The following SMC4 variants were observed in gnomAD, a reference collection of about 807,000 sequenced individuals.
SMC4 encodes structural maintenance of chromosomes protein 4.
A neutral mutation model predicts 145.6 loss-of-function variants in SMC4; 87 were observed. That is an observed-to-expected ratio of 0.60 (90% confidence interval 0.50 to 0.71). The LOEUF is 0.71. SMC4 is among the 30% of genes least tolerant of loss of function. The probability of loss-of-function intolerance (pLI) is 0.00; values close to 1 mark genes in which losing one functional copy is unlikely to be tolerated. For missense variants in SMC4, 1,447 were observed against 1,537.1 expected, an observed-to-expected ratio of 0.94 and a Z score of 0.98; for synonymous variants, 558 against 500.7, an observed-to-expected ratio of 1.11 and a Z score of -1.53.
intron 18 of SMC4, among the ~76,000 whole-genome samples, chr3:160,429,954 G>A (rs1718212558): frequency 6.6e-6 from 1 of 151,434 alleles, no homozygotes; most frequent in Non-Finnish European, 1.5e-5. Flanking sequence ...TGACGTCATG[G>A]TCCCCCTGCC....
chr3:160,409,428 A>C (rs963753967), intron 5 of SMC4, among the ~76,000 whole-genome samples: 16 of 152,238 alleles, frequency 1.1e-4, no homozygotes, highest in Middle Eastern at 6.8e-3. Context: ...AGAGGAACAA[A>C]CAACCAAAAA....
chr3:160,432,839 A>G, intron 22 of SMC4, 187 bp from the exon 23 acceptor site: 1 of 553,346 alleles, frequency 1.8e-6, no homozygotes, highest in South Asian at 2.8e-5. Flanking sequence ...AAACTTTGGT[A>G]TGTGCTCCTA....
chr3:160,412,832 C>T (rs1716159352), intron 7 of SMC4: 1 of 984,170 alleles, frequency 1.0e-6, no homozygotes, highest in Admixed American at 5.7e-5. Context: ...TTTTTAGTAT[C>T]CTGCTTTAAG....
chr3:160,424,890 G>T lies in SMC4; in HGVS notation c.2349G>T (p.Leu783Phe). Residue 783 changes from leucine to phenylalanine, a missense_variant, in exon 16 of 24, where the codon TTG becomes TTT. Transcript: ENST00000357388. ...AGGTAAACAAAATGGAATCACAGTTGCAAAACGACTCTAAAAAAGCAATGC... is the reference window on the plus strand; with the variant it reads ...AGGTAAACAAAATGGAATCACAGTTTCAAAACGACTCTAAAAAAGCAATGC... Reference protein sequence around the residue: ...EEEVNKMESQLQNDSKKAMQI... With the variant: ...EEEVNKMESQFQNDSKKAMQI... The T allele has an allele frequency of 1.2e-6, 2 of 1,613,550 alleles. No individual in the cohort carries two copies. The highest frequency in any genetic ancestry group is 1.7e-6 in the Non-Finnish European group (2 of 1,179,882).
intron 22 of SMC4, chr3:160,432,794 A>G (rs1280408694): frequency 3.8e-6 from 2 of 531,272 alleles, no homozygotes; most frequent in Non-Finnish European, 3.3e-6. Flanking sequence ...AAGAATAGCA[A>G]GAAGTATAAT....
intron 2 of SMC4, 31 bp downstream of exon 2, chr3:160,400,996 G>A: frequency 3.6e-6 from 5 of 1,374,476 alleles, no homozygotes; most frequent in Non-Finnish European, 4.6e-6. Flanking sequence ...CGGCGGGAAC[G>A]CGCGCTGTGG....
intron 2 of SMC4, 136 bp downstream of exon 2, chr3:160,401,101 A>C: frequency 8.3e-7 from 1 of 1,203,000 alleles, no homozygotes; most frequent in Non-Finnish European, 1.1e-6. Flanking sequence ...GTAGAGGCTC[A>C]GGAAAGCCAT....
intron 17 of SMC4, among the ~76,000 whole-genome samples, chr3:160,426,665 C>T (rs1717829243): frequency 6.6e-6 from 1 of 151,902 alleles, no homozygotes; most frequent in Admixed American, 6.5e-5. Flanking sequence ...TGTAAATGTT[C>T]TACCAAAATA....
At chr3:160,409,985 C>T (rs1715803589) in intron 5 of SMC4, among the ~76,000 whole-genome samples, 1 of 151,868 alleles carries the variant, frequency 6.6e-6, no homozygotes, top group Admixed American at 6.6e-5. Context: ...CTGAGGTGGG[C>T]GGATCGCTTG....
chr3:160,415,842 A>G (rs981934904), intron 9 of SMC4, among the ~76,000 whole-genome samples: 3 of 152,262 alleles, frequency 2.0e-5, no homozygotes, highest in African/African-American at 7.2e-5. Flanking sequence ...TAAAGTTGTG[A>G]AAGATTTTAG....
intron 9 of SMC4, 127 bp from the exon 10 acceptor site, chr3:160,416,124 A>G (rs1421939360): frequency 5.6e-6 from 3 of 536,016 alleles, no homozygotes; most frequent in Non-Finnish European, 9.2e-6. Context: ...AAGCTAGCTA[A>G]TTTAACTCTG....
chr3:160,427,154 G>C (rs941731165), intron 17 of SMC4, among the ~76,000 whole-genome samples: 10 of 152,176 alleles, frequency 6.6e-5, no homozygotes, highest in Non-Finnish European at 1.3e-4. Flanking sequence ...CACTCAAATA[G>C]TATCTGCTAC....
At chr3:160,427,220 C>T (rs1717886285) in intron 17 of SMC4, among the ~76,000 whole-genome samples, 1 of 152,190 alleles carries the variant, frequency 6.6e-6, no homozygotes, top group African/African-American at 2.4e-5. Flanking sequence ...AATAAAGTCT[C>T]TTCCCAGGGA....
Position 160,402,725 on chromosome 3 carries a change from T to G in SMC4, c.368T>G (p.Ile123Ser). The change falls in exon 4 of 24, where the codon ATT (isoleucine) becomes AGT (serine). Residue 123 changes from isoleucine (I) to serine (S), a missense_variant. Physicochemically the swap from Ile to Ser is moderately radical, Grantham distance 142. Transcript: ENST00000357388. Reference protein sequence around the residue: ...GPNGSGKSNVIDSMLFVFGYR... With the variant: ...GPNGSGKSNVSDSMLFVFGYR... ...AATGGCAGTGGCAAATCCAATGTTA[T>G]TGATTCTATGCTTTTTGTGTTTGGC... 6.2e-7 allele frequency: 1 copy of G among 1,611,764 alleles called. No individual in the cohort carries two copies. The highest frequency in any genetic ancestry group is 8.5e-7 in the Non-Finnish European group (1 of 1,179,498).
intron 15 of SMC4, 24 bp from the exon 16 acceptor site, chr3:160,424,843 T>A (rs1717599393): frequency 6.2e-7 from 1 of 1,612,440 alleles, no homozygotes; most frequent in South Asian, 1.1e-5. Flanking sequence ...CTGAAATGGC[T>A]CTTAGAGAAA....
chr3:160,419,650 A>C (rs1415558063), intron 12 of SMC4, 107 bp downstream of exon 12: 1 of 1,037,680 alleles, frequency 9.6e-7, no homozygotes, highest in African/African-American at 1.7e-5. Flanking sequence ...TATATAAAAT[A>C]AGATTCATTT....
chr3:160,430,369 G>A (rs1363006795), intron 18 of SMC4, among the ~76,000 whole-genome samples: 1 of 152,116 alleles, frequency 6.6e-6, no homozygotes, highest in Non-Finnish European at 1.5e-5. Context: ...AATGATACAA[G>A]CAGCTTATAT....
intron 17 of SMC4, among the ~76,000 whole-genome samples, chr3:160,428,277 C>T (rs1486751310): frequency 6.6e-6 from 1 of 152,178 alleles, no homozygotes; most frequent in Non-Finnish European, 1.5e-5. Flanking sequence ...AACTTTTACT[C>T]TTCGTTGTCA....
intron 21 of SMC4, 48 bp downstream of exon 21, chr3:160,431,873 T>G (rs758592741): frequency 5.9e-6 from 9 of 1,526,264 alleles, no homozygotes; most frequent in Non-Finnish European, 6.2e-6. Context: ...TTTTTAGTCC[T>G]TAGCCTAAAT....
Sources: allele counts gnomAD v4.1 joint callset (sites outside exome capture counted in the v4.1 genomes callset), GRCh38; gene constraint gnomAD v4.1.1; transcripts MANE v1.5; gene names NCBI Gene and HGNC (gene_info 2026-07-23, HGNC 2026-07-21).